RNF115: variants seen among roughly 807,000 people sequenced by gnomAD.
The protein encoded by RNF115 is ring finger protein 115.
A neutral mutation model predicts 39.2 loss-of-function variants in RNF115; 31 were observed. The observed-to-expected ratio is 0.79, with a 90% CI of 0.59 to 1.07. RNF115 has a LOEUF of 1.07. RNF115 is among the 50% of genes least tolerant of loss of function. The probability of loss-of-function intolerance (pLI) is 0.00; values close to 1 mark genes in which losing one functional copy is unlikely to be tolerated. For synonymous variants in RNF115, 124 were observed against 131.0 expected, an observed-to-expected ratio of 0.95 and a Z score of 0.37; for missense variants, 384 against 381.7, an observed-to-expected ratio of 1.01 and a Z score of -0.05.
In RNF115 at chr1:145,742,754, T is replaced by A. The variant is rs1553711145; in HGVS notation, c.*4112A>T. On this transcript the variant is annotated 3_prime_UTR_variant, in exon 9 of 9. Coordinates refer to ENST00000582693, the MANE Select transcript of RNF115 (RefSeq NM_014455.4). ...ATACAAAGACATAAGCAAGGAGTTT[T>A]TCCTAATAACTATTTAATCAGAGAC... 6.6e-6 allele frequency: 1 copy of A among 152,188 alleles called. No homozygotes were observed. Among genetic ancestry groups the A allele is most frequent in the Non-Finnish European group, 1.5e-5 (1 of 68,034 alleles). The allele number at this position is 152,188 out of a possible 1,614,324, so 9.4% of individuals were successfully genotyped here.
chr1:145,762,453 A>C (rs187797181), intron 4 of RNF115, among the ~76,000 whole-genome samples: 1 of 151,790 alleles, frequency 6.6e-6, no homozygotes. Flanking sequence ...AAAACAGACT[A>C]ATACAGGCCC....
At chr1:145,788,665 G>C in intron 2 of RNF115, 2 of 629,864 alleles carry the variant, frequency 3.2e-6, no homozygotes, top group South Asian at 3.0e-5. Flanking sequence ...ATACAATCAG[G>C]AGCAGTGCGT....
At chr1:145,758,350 C>A (rs1428722200) in intron 4 of RNF115, among the ~76,000 whole-genome samples, 1 of 152,098 alleles carries the variant, frequency 6.6e-6, no homozygotes, top group Non-Finnish European at 1.5e-5. Flanking sequence ...TGTGAGTGAG[C>A]CATCTTGGAA....
At chr1:145,809,214 T>C (rs782269389) in intron 1 of RNF115, among the ~76,000 whole-genome samples, 2 of 144,504 alleles carry the variant, frequency 1.4e-5, no homozygotes, top group Non-Finnish European at 3.0e-5. Flanking sequence ...TGAGACAGAG[T>C]CTCACTCTGT....
intron 3 of RNF115, among the ~76,000 whole-genome samples, 154 bp downstream of exon 3, chr1:145,784,385 A>C (rs587703718): frequency 1.3e-5 from 2 of 152,324 alleles, no homozygotes; most frequent in African/African-American, 4.8e-5. Flanking sequence ...AGCTACTGAA[A>C]ACACAAATCT....
In RNF115 at chr1:145,760,111, A is replaced by G. The variant is rs150207803; in HGVS notation, c.429-7062T>C. ...ACTGTATGCCCAACATCTGGCACAC[A>G]GTAATACACAATGTCTGCTGAATAA... On this transcript the variant is annotated intron_variant, in intron 4 of 8. Transcript: ENST00000582693. 1.0e-3 allele frequency among the ~76,000 whole-genome samples: 156 copies of G among 152,330 alleles called. 6 individuals are homozygous for G. The East Asian group carries it at 0.026, about 26-fold the overall frequency.
At chr1:145,797,414 C>A (rs1291593293) in intron 1 of RNF115, among the ~76,000 whole-genome samples, 1 of 152,174 alleles carries the variant, frequency 6.6e-6, no homozygotes, top group Non-Finnish European at 1.5e-5. Flanking sequence ...ATACAGTATT[C>A]GTCTTTGACT....
intron 1 of RNF115, among the ~76,000 whole-genome samples, chr1:145,800,355 C>T (rs1268296063): frequency 6.6e-6 from 1 of 152,128 alleles, no homozygotes; most frequent in African/African-American, 2.4e-5. Context: ...AAATTGTGCC[C>T]AGATGGCCTT....
At chr1:145,761,109 C>A (rs782080224) in intron 4 of RNF115, among the ~76,000 whole-genome samples, 4 of 152,172 alleles carry the variant, frequency 2.6e-5, no homozygotes, top group Admixed American at 6.5e-5. Flanking sequence ...AACTTCTAAG[C>A]AGCAAAGCAT....
intron 4 of RNF115, among the ~76,000 whole-genome samples, chr1:145,770,295 T>C (rs1647575299): frequency 6.6e-6 from 1 of 152,092 alleles, no homozygotes; most frequent in Non-Finnish European, 1.5e-5. Flanking sequence ...GAAACACTAA[T>C]GGATAGATAT....
At chr1:145,795,977 T>TA (rs1343234418) in intron 1 of RNF115, among the ~76,000 whole-genome samples, 1 of 152,164 alleles carries the variant, frequency 6.6e-6, no homozygotes, top group Non-Finnish European at 1.5e-5. Flanking sequence ...ATTATCAAAG[T>TA]AAAAAATGCA....
chr1:145,746,019 G>T lies in RNF115; in HGVS notation c.*847C>A, dbSNP rs1458789591. On this transcript the variant is annotated 3_prime_UTR_variant, in exon 9 of 9. Coordinates refer to ENST00000582693, the MANE Select transcript of RNF115 (RefSeq NM_014455.4). ...AGGCAGGCGGAGCACAAGGTCAGGA[G>T]ATTGAGACCATCCTGGCTAACACGG... 1 of 151,734 alleles carries T rather than the reference G, an allele frequency of 6.6e-6. No individual in the cohort carries two copies. Among genetic ancestry groups the T allele is most frequent in the Non-Finnish European group, 1.5e-5 (1 of 67,992 alleles). The allele number at this position is 151,734 out of a possible 1,614,324, so 9.4% of individuals were successfully genotyped here.
chr1:145,822,320 A>AAAAAAG (rs1650298938), intron 1 of RNF115, among the ~76,000 whole-genome samples: 1 of 151,560 alleles, frequency 6.6e-6, no homozygotes, highest in East Asian at 1.9e-4. Context: ...TCTCAAAAAA[A>AAAAAAG]AAAAAAGAAA....
At chr1:145,822,355 T>C (rs1292336351) in intron 1 of RNF115, among the ~76,000 whole-genome samples, 4 of 150,116 alleles carry the variant, frequency 2.7e-5, no homozygotes, top group Non-Finnish European at 4.4e-5. Context: ...AAGTAGCATT[T>C]AGATGAAACT....
intron 4 of RNF115, among the ~76,000 whole-genome samples, chr1:145,766,645 C>T (rs868917943): frequency 2.3e-4 from 35 of 150,354 alleles, no homozygotes; most frequent in African/African-American, 4.9e-4. Flanking sequence ...ACCTCCCTCC[C>T]GGATGGGGCG....
intron 4 of RNF115, among the ~76,000 whole-genome samples, chr1:145,764,522 G>T (rs587607996): frequency 6.6e-6 from 1 of 150,994 alleles, no homozygotes; most frequent in South Asian, 2.1e-4. Flanking sequence ...CCCTCCGCCC[G>T]GCAGCCGCCC....
Position 145,745,892 on chromosome 1 carries a change from G to A in RNF115, c.*974C>T, listed in dbSNP as rs1657856475. ...TAAGGCTCCCAATATATGTTATGTA[G>A]GTTTCTTGGGAAACTGCATCAACTG... On this transcript the variant is annotated 3_prime_UTR_variant, in exon 9 of 9. Transcript: ENST00000582693. The A allele has an allele frequency of 6.6e-6, 1 of 151,820 alleles. No individual in the cohort carries two copies. Among genetic ancestry groups the A allele is most frequent in the Non-Finnish European group, 1.5e-5 (1 of 67,964 alleles). The allele number at this position is 151,820 out of a possible 1,614,324, so 9.4% of individuals were successfully genotyped here.
At chr1:145,782,351 G>A (rs1648186587) in intron 3 of RNF115, among the ~76,000 whole-genome samples, 1 of 152,152 alleles carries the variant, frequency 6.6e-6, no homozygotes, top group Admixed American at 6.6e-5. Context: ...GCCAGGCACA[G>A]TGACACCTGC....
chr1:145,747,140 C>G, intron 8 of RNF115, 143 bp from the exon 9 acceptor site: 6 of 795,988 alleles, frequency 7.5e-6, no homozygotes, highest in Non-Finnish European at 1.2e-5. Context: ...CCTCATAGAG[C>G]ATGCACTGGC....
Sources: gnomAD v4.1 joint callset for allele counts (sites outside exome capture counted in the v4.1 genomes callset) on GRCh38, gnomAD v4.1.1 for gene constraint, MANE v1.5 for transcripts, NCBI Gene and HGNC (gene_info 2026-07-23, HGNC 2026-07-21) for gene names.